Variants in THRB observed in about 807,000 individuals in gnomAD.
The protein encoded by THRB is thyroid hormone receptor beta.
In THRB, 12 loss-of-function variants were observed where a neutral mutation model predicts 47.8. The observed-to-expected ratio is 0.25, with a 90% CI of 0.16 to 0.41. The LOEUF (loss-of-function observed/expected upper bound fraction) is 0.41, where lower values mean the gene tolerates loss of function less well. Ranked by LOEUF, THRB falls within the 10% of genes least tolerant of loss-of-function variation. The pLI, the probability that THRB is intolerant of heterozygous loss-of-function variation, is 1.00. For synonymous variants in THRB, 218 were observed against 212.2 expected (o/e 1.03, Z -0.24); for missense variants, 348 against 589.2 (o/e 0.59, Z 4.24).
intron 4 of THRB, among the ~76,000 whole-genome samples, chr3:24,200,849 T>C (rs2044507838): frequency 6.6e-6 from 1 of 152,214 alleles, no homozygotes; most frequent in South Asian, 2.1e-4. Context: ...TGAGATCTCC[T>C]TGAGAGCAGG....
At chr3:24,321,947 T>C (rs1158848063) in intron 2 of THRB, among the ~76,000 whole-genome samples, 1 of 152,170 alleles carries the variant, frequency 6.6e-6, no homozygotes, top group Non-Finnish European at 1.5e-5. Context: ...AATGCAGTAT[T>C]AAAATAAATT....
At chr3:24,252,630 A>T (rs1307812960) in intron 3 of THRB, among the ~76,000 whole-genome samples, 2 of 151,622 alleles carry the variant, frequency 1.3e-5, no homozygotes, top group Non-Finnish European at 2.9e-5. Context: ...TCGAATGCCT[A>T]TAAAAGGAGA....
At chr3:24,299,627 T>C (rs1250068725) in intron 2 of THRB, among the ~76,000 whole-genome samples, 2 of 149,864 alleles carry the variant, frequency 1.3e-5, no homozygotes, top group East Asian at 2.0e-4. Context: ...AAACAGTTTC[T>C]GTGGTCATAA....
At chr3:24,356,797 A>C (rs759388870) in intron 1 of THRB, among the ~76,000 whole-genome samples, 5 of 152,110 alleles carry the variant, frequency 3.3e-5, no homozygotes, top group Non-Finnish European at 7.4e-5. Flanking sequence ...CTCCCTGGCC[A>C]TATCAGAGAG....
chr3:24,452,627 G>T (rs1007999881), intron 1 of THRB, among the ~76,000 whole-genome samples: 1 of 151,920 alleles, frequency 6.6e-6, no homozygotes, highest in African/African-American at 2.4e-5. Flanking sequence ...CCCAGGAACC[G>T]GCGCTATAAA....
intron 3 of THRB, among the ~76,000 whole-genome samples, chr3:24,290,718 T>C (rs2055837944): frequency 6.6e-6 from 1 of 152,178 alleles, no homozygotes; most frequent in Non-Finnish European, 1.5e-5. Context: ...TGGGATGGCA[T>C]TAAAATCAGT....
At chr3:24,184,648 A>G (rs1032752525) in intron 5 of THRB, among the ~76,000 whole-genome samples, 5 of 152,214 alleles carry the variant, frequency 3.3e-5, no homozygotes, top group Admixed American at 3.3e-4. Context: ...TCACACAGCT[A>G]TCTGACATAT....
At chr3:24,418,792 G>GC (rs2150262002) in intron 1 of THRB, among the ~76,000 whole-genome samples, 1 of 152,048 alleles carries the variant, frequency 6.6e-6, no homozygotes, top group East Asian at 2.0e-4. Context: ...TGTACATAGG[G>GC]CAATGCCCTC....
rs115007150 is a variant in THRB, at chr3:24,214,906, T to C, written c.22+14032A>G. 8.1e-3 allele frequency among the ~76,000 whole-genome samples: 1,239 copies of C among 152,352 alleles called. 12 individuals are homozygous for C. Among genetic ancestry groups the C allele is most frequent in the African/African-American group, 0.027 (1,125 of 41,572 alleles). On this transcript the variant is annotated intron_variant, in intron 4 of 10. Transcript: ENST00000646209. ...TTGCAGCTCAAATCATTATGTTTTA[T>C]GCCCTTGCAAATTAAACATCCTTCA...
chr3:24,216,217 G>A (rs527626194), intron 4 of THRB, among the ~76,000 whole-genome samples: 4 of 152,296 alleles, frequency 2.6e-5, no homozygotes, highest in South Asian at 2.1e-4. Flanking sequence ...ATTACTTCAA[G>A]TTAATGGGCT....
chr3:24,165,604 A>G, intron 5 of THRB: 1 of 434,014 alleles, frequency 2.3e-6, no homozygotes, highest in Non-Finnish European at 4.1e-6. Flanking sequence ...TGCCATCCAA[A>G]CATATTGGAA....
intron 1 of THRB, among the ~76,000 whole-genome samples, chr3:24,339,682 G>C (rs1457297889): frequency 6.6e-6 from 1 of 152,002 alleles, no homozygotes; most frequent in Non-Finnish European, 1.5e-5. Context: ...AATTGAAAGT[G>C]ATTTCCCAGT....
chr3:24,381,190 CCAA>C (rs1397788832), intron 1 of THRB, among the ~76,000 whole-genome samples: 1 of 150,880 alleles, frequency 6.6e-6, no homozygotes, highest in Non-Finnish European at 1.5e-5. Flanking sequence ...ACAAAATATA[CCAA>C]CAACATTCAA....
In THRB at chr3:24,222,025, GTTCT is replaced by G. The variant is rs367994523; in HGVS notation, c.22+6909_22+6912del. On this transcript the variant is annotated intron_variant, in intron 4 of 10. Coordinates refer to ENST00000646209, the MANE Select transcript of THRB (RefSeq NM_001354712.2). The stretch of plus-strand genomic sequence containing the variant: ...CAGTCATACCACATGAAGAGTTACC[GTTCT>G]TTGTTTCATGAGGAAAAAAGGAGCA... Among the ~76,000 whole-genome samples the G allele has an allele frequency of 2.5e-4, 38 of 152,256 alleles. 1 individual carries two copies. Among genetic ancestry groups the G allele is most frequent in the African/African-American group, 8.7e-4 (36 of 41,548 alleles).
rs994181850 is a variant in THRB, at chr3:24,117,881, T to G, written c.*5003A>C. The G allele has an allele frequency of 3.9e-5, 6 of 152,234 alleles. No individual in the cohort carries two copies. Among genetic ancestry groups the G allele is most frequent in the African/African-American group, 9.6e-5 (4 of 41,458 alleles). 9.4% of individuals were successfully genotyped at this position (152,234 alleles called of 1,614,324 possible). On this transcript the variant is annotated 3_prime_UTR_variant, in exon 11 of 11. Coordinates refer to ENST00000646209, the MANE Select transcript of THRB (RefSeq NM_001354712.2). ...GATTGAGATATATGTTGGCAGCTGA[T>G]GTTAACATAATTCCATTAGTAATAT...
chr3:24,352,982 G>C (rs1482993802), intron 1 of THRB, among the ~76,000 whole-genome samples: 5 of 151,646 alleles, frequency 3.3e-5, no homozygotes, highest in South Asian at 2.1e-4. Flanking sequence ...TTCATTCATT[G>C]ATTGACAAAT....
At chr3:24,435,764 G>T (rs1425824862) in intron 1 of THRB, among the ~76,000 whole-genome samples, 1 of 151,976 alleles carries the variant, frequency 6.6e-6, no homozygotes, top group African/African-American at 2.4e-5. Flanking sequence ...AGTAATGTGG[G>T]CCCAGGAATG....
chr3:24,123,318 A>G (rs2148786119), intron 10 of THRB, among the ~76,000 whole-genome samples, 193 bp from the exon 11 acceptor site: 1 of 152,272 alleles, frequency 6.6e-6, no homozygotes, highest in African/African-American at 2.4e-5. Context: ...ATATGAAGAG[A>G]GGCAGTACTT....
chr3:24,399,948 C>T (rs1220833170), intron 1 of THRB, among the ~76,000 whole-genome samples: 1 of 152,078 alleles, frequency 6.6e-6, no homozygotes, highest in Non-Finnish European at 1.5e-5. Flanking sequence ...ACTTTTTTCT[C>T]TCAACTCTTC....
Sources: allele counts gnomAD v4.1 joint callset (sites outside exome capture counted in the v4.1 genomes callset), GRCh38; gene constraint gnomAD v4.1.1; transcripts MANE v1.5; gene names NCBI Gene and HGNC (gene_info 2026-07-23, HGNC 2026-07-21).